Variants in THSD7B observed in about 807,000 individuals in gnomAD.
The protein encoded by THSD7B is thrombospondin type 1 domain containing 7B, also known as thrombospondin type-1 domain-containing protein 7B.
THSD7B carries 138 observed loss-of-function variants against 213.6 expected under a neutral mutation model. The ratio of observed to expected loss-of-function variants is 0.65; its 90% CI spans 0.56 to 0.74. THSD7B has a LOEUF of 0.74. THSD7B is among the 30% of genes least tolerant of loss of function. The pLI, the probability that THSD7B is intolerant of heterozygous loss-of-function variation, is 0.00. For missense variants in THSD7B, 1,931 were observed against 1,991.5 expected, an observed-to-expected ratio of 0.97 and a Z score of 0.58; for synonymous variants, 742 against 687.0, an observed-to-expected ratio of 1.08 and a Z score of -1.25.
intron 12 of THSD7B, among the ~76,000 whole-genome samples, chr2:137,326,139 T>A (rs978564327): frequency 1.3e-5 from 2 of 152,192 alleles, no homozygotes; most frequent in African/African-American, 2.4e-5. Flanking sequence ...GGGAATTATG[T>A]TAGATCCATC....
At chr2:136,924,749 T>G (rs1021055769) in intron 2 of THSD7B, among the ~76,000 whole-genome samples, 1 of 152,228 alleles carries the variant, frequency 6.6e-6, no homozygotes, top group African/African-American at 2.4e-5. Context: ...TGCAATGAAT[T>G]GATAAGTCAC....
chr2:137,410,260 C>A, intron 13 of THSD7B, among the ~76,000 whole-genome samples: 1 of 151,746 alleles, frequency 6.6e-6, no homozygotes, highest in Admixed American at 6.6e-5. Flanking sequence ...TCAGGTCCTG[C>A]AGAAATTCTT....
intron 7 of THSD7B, among the ~76,000 whole-genome samples, chr2:137,202,842 T>C (rs1462164771): frequency 6.6e-6 from 1 of 152,158 alleles, no homozygotes; most frequent in African/African-American, 2.4e-5. Flanking sequence ...GCAGTTTTCC[T>C]ATGTCTTGAT....
At chr2:137,534,220 C>G (rs1680459979) in intron 15 of THSD7B, among the ~76,000 whole-genome samples, 1 of 151,496 alleles carries the variant, frequency 6.6e-6, no homozygotes, top group South Asian at 2.1e-4. Flanking sequence ...ATTTTGCCTT[C>G]TTACCTATTT....
intron 5 of THSD7B, among the ~76,000 whole-genome samples, chr2:137,150,727 G>A (rs1198837448): frequency 2.0e-5 from 3 of 152,090 alleles, no homozygotes; most frequent in Non-Finnish European, 4.4e-5. Context: ...GAGATGCTTT[G>A]TTAGATGATC....
chr2:137,113,281 A>T (rs1688384263), intron 4 of THSD7B, among the ~76,000 whole-genome samples: 1 of 152,190 alleles, frequency 6.6e-6, no homozygotes, highest in Non-Finnish European at 1.5e-5. Context: ...GTGGCCCTGA[A>T]GAATAGGGTA....
intron 12 of THSD7B, among the ~76,000 whole-genome samples, chr2:137,396,525 G>T (rs1354914247): frequency 6.9e-6 from 1 of 145,024 alleles, no homozygotes; most frequent in Admixed American, 6.9e-5. Flanking sequence ...TGTGGTCTGA[G>T]AGATAGTTTG....
At chr2:136,869,845 G>A (rs866543658) in intron 1 of THSD7B, among the ~76,000 whole-genome samples, 7 of 152,140 alleles carry the variant, frequency 4.6e-5, no homozygotes, top group African/African-American at 1.7e-4. Context: ...AGGCCAAGGC[G>A]GAAAGATCAT....
At chr2:136,915,459 A>G (rs1306677331) in intron 2 of THSD7B, among the ~76,000 whole-genome samples, 1 of 152,226 alleles carries the variant, frequency 6.6e-6, no homozygotes, top group African/African-American at 2.4e-5. Flanking sequence ...TGCTATTTCA[A>G]ATTCTCAAGA....
intron 25 of THSD7B, among the ~76,000 whole-genome samples, chr2:137,662,237 T>C (rs1310521569): frequency 8.1e-6 from 1 of 123,162 alleles, no homozygotes; most frequent in East Asian, 2.1e-4. Flanking sequence ...TAATTTTTTT[T>C]TTTTCTTTTT....
At chr2:137,284,597 G>T (rs1683121681) in intron 12 of THSD7B, among the ~76,000 whole-genome samples, 1 of 152,162 alleles carries the variant, frequency 6.6e-6, no homozygotes, top group Non-Finnish European at 1.5e-5. Context: ...CTGGTATGTT[G>T]TGTCTTTGTT....
chr2:136,997,570 C>T (rs531818476), intron 2 of THSD7B, among the ~76,000 whole-genome samples: 2 of 152,254 alleles, frequency 1.3e-5, no homozygotes, highest in African/African-American at 4.8e-5. Flanking sequence ...GCATAAGTGC[C>T]ACCAGAAGTG....
chr2:137,468,289 AG>A (rs1688029727), intron 15 of THSD7B, among the ~76,000 whole-genome samples: 1 of 152,134 alleles, frequency 6.6e-6, no homozygotes, highest in Non-Finnish European at 1.5e-5. Flanking sequence ...TGCTATAAAA[AG>A]TTTAAAAAGC....
In THSD7B at chr2:137,165,567, G is replaced by A. The variant is rs150325497; in HGVS notation, c.1526-5174G>A. ...GGAGTTCTGCCAGGATCACTGAGTG[G>A]TACAAACTAAAGATACTTCAGAATT... On this transcript the variant is annotated intron_variant, in intron 6 of 27. Transcript: ENST00000409968. Among the ~76,000 whole-genome samples the A allele has an allele frequency of 4.3e-3, 650 of 152,128 alleles. 3 individuals are homozygous for A. The highest frequency in any genetic ancestry group is 7.1e-3 in the Non-Finnish European group (485 of 67,990).
intron 17 of THSD7B, among the ~76,000 whole-genome samples, chr2:137,602,458 C>T (rs1170234561): frequency 2.6e-5 from 4 of 151,910 alleles, no homozygotes; most frequent in African/African-American, 9.7e-5. Context: ...TTAGTAGAGA[C>T]GGGGTTTCAC....
intron 2 of THSD7B, among the ~76,000 whole-genome samples, chr2:137,054,381 A>T (rs1432537176): frequency 6.6e-6 from 1 of 152,208 alleles, no homozygotes; most frequent in Admixed American, 6.5e-5. Context: ...TATTGCCAAG[A>T]ATGCCAGGTG....
At chr2:137,114,122 T>G (rs1013024633) in intron 4 of THSD7B, among the ~76,000 whole-genome samples, 1 of 152,242 alleles carries the variant, frequency 6.6e-6, no homozygotes, top group Non-Finnish European at 1.5e-5. Context: ...TATGATTACT[T>G]TTATGGCTGG....
chr2:137,072,256 G>A (rs1250444722), intron 3 of THSD7B, among the ~76,000 whole-genome samples: 25 of 152,028 alleles, frequency 1.6e-4, no homozygotes, highest in African/African-American at 4.1e-4. Context: ...TTGTTCTTCC[G>A]TTTCTTTGTA....
intron 1 of THSD7B, among the ~76,000 whole-genome samples, chr2:136,878,315 C>A (rs531567273): frequency 6.6e-6 from 1 of 152,308 alleles, no homozygotes; most frequent in Non-Finnish European, 1.5e-5. Flanking sequence ...TCCAGGCTAT[C>A]ATTGATGGAC....
Sources: allele counts gnomAD v4.1 joint callset (sites outside exome capture counted in the v4.1 genomes callset), GRCh38; gene constraint gnomAD v4.1.1; transcripts MANE v1.5; gene names NCBI Gene and HGNC (gene_info 2026-07-23, HGNC 2026-07-21).